The following TENM4 variants were observed in gnomAD, a reference collection of about 807,000 sequenced individuals.
The protein encoded by TENM4 is teneurin transmembrane protein 4.
Under a neutral mutation model 243.3 loss-of-function variants are expected in TENM4, and 82 were observed. The observed-to-expected ratio is 0.34, with a 90% CI of 0.28 to 0.40. The LOEUF (loss-of-function observed/expected upper bound fraction) is 0.40. Ranked by LOEUF, TENM4 falls within the 10% of genes least tolerant of loss-of-function variation. The pLI is 1.00. For synonymous variants in TENM4, 1,412 were observed against 1,456.3 expected, an observed-to-expected ratio of 0.97 and a Z score of 0.69; for missense variants, 3,138 against 3,673.3, an observed-to-expected ratio of 0.85 and a Z score of 3.77.
chr11:79,052,954 T>A (rs1859839870), intron 6 of TENM4, among the ~76,000 whole-genome samples: 1 of 152,344 alleles, frequency 6.6e-6, no homozygotes, highest in East Asian at 1.9e-4. Flanking sequence ...TGGTAACACA[T>A]CACCGTTCTT....
chr11:79,202,540 G>C (rs1260554226), intron 3 of TENM4, among the ~76,000 whole-genome samples: 1 of 152,218 alleles, frequency 6.6e-6, no homozygotes, highest in Non-Finnish European at 1.5e-5. Flanking sequence ...TCTTAACCTG[G>C]AGCCTGCAAA....
chr11:79,288,056 C>A (rs1386550451), intron 2 of TENM4, among the ~76,000 whole-genome samples: 1 of 152,206 alleles, frequency 6.6e-6, no homozygotes, highest in African/African-American at 2.4e-5. Context: ...ACCTCTCTAC[C>A]AAATACCTCT....
At chr11:79,311,419 T>C (rs11826578) in intron 1 of TENM4, among the ~76,000 whole-genome samples, 30,157 of 152,146 alleles carry the variant, frequency 0.2, 3,245 homozygotes, top group East Asian at 0.35. Flanking sequence ...CTCAGAGCCA[T>C]TGGAGGCTAA....
At chr11:79,075,150 G>C (rs909146271) in intron 4 of TENM4, among the ~76,000 whole-genome samples, 1 of 152,212 alleles carries the variant, frequency 6.6e-6, no homozygotes, top group Non-Finnish European at 1.5e-5. Flanking sequence ...GCCAGGCACC[G>C]GTCAAGTGCT....
At chr11:78,851,290 C>T (rs1427112471) in intron 12 of TENM4, among the ~76,000 whole-genome samples, 2 of 152,008 alleles carry the variant, frequency 1.3e-5, no homozygotes, top group African/African-American at 4.8e-5. Flanking sequence ...ACCTATTGGC[C>T]CTAAAATACA....
chr11:79,140,936 G>T (rs1396147909), intron 4 of TENM4, among the ~76,000 whole-genome samples: 1 of 151,968 alleles, frequency 6.6e-6, no homozygotes, highest in Non-Finnish European at 1.5e-5. Context: ...GAGGTAGCTG[G>T]GCCTCTGACT....
At chr11:79,164,982 T>TG (rs1862880897) in intron 3 of TENM4, among the ~76,000 whole-genome samples, 1 of 151,904 alleles carries the variant, frequency 6.6e-6, no homozygotes, top group Non-Finnish European at 1.5e-5. Context: ...TGTGTGTGTG[T>TG]GTGTGTGTGT....
At chr11:79,193,638 A>G (rs905717076) in intron 3 of TENM4, among the ~76,000 whole-genome samples, 1 of 152,182 alleles carries the variant, frequency 6.6e-6, no homozygotes, top group Non-Finnish European at 1.5e-5. Context: ...GTCCATCCAC[A>G]TAGCAGGGTC....
chr11:78,859,446 C>G (rs1473527186), intron 10 of TENM4, among the ~76,000 whole-genome samples: 2 of 152,208 alleles, frequency 1.3e-5, no homozygotes, highest in Non-Finnish European at 2.9e-5. Context: ...TAGATTCAGG[C>G]TTCCCATAGC....
At position 78,862,999 on chromosome 11, in the gene TENM4, T is replaced by C. The variant is rs953420367; in HGVS notation, c.1218A>G (p.Leu406=). The stretch of plus-strand genomic sequence containing the variant: ...CTTTGCCTTTCCTGTCAGGGGTCTC[T>C]AAGCCAGTGCCCCCTGAGGGGTATA... The part of the protein sequence containing the change: ...VSLYPSGGTG[L]ETPDRKGKGT... The change falls in exon 10 of 34, where the codon TTA becomes TTG. Residue 406 remains leucine, a synonymous_variant. Transcript: ENST00000278550. 6.6e-7 allele frequency: 1 copy of C among 1,505,640 alleles called. No individual in the cohort carries two copies. Among genetic ancestry groups the C allele is most frequent in the East Asian group, 2.5e-5 (1 of 39,716 alleles). The allele number at this position is 1,505,640 out of a possible 1,614,324, so 93.3% of individuals were successfully genotyped here. A position where few individuals can be genotyped will look rare whatever the true frequency, so the allele number is the denominator to read the frequency against.
chr11:78,860,601 C>A (rs1858794505), intron 10 of TENM4, among the ~76,000 whole-genome samples: 1 of 152,170 alleles, frequency 6.6e-6, no homozygotes, highest in Admixed American at 6.5e-5. Context: ...GCATTTTTAA[C>A]ATCACAATGA....
Position 78,669,403 on chromosome 11 carries a change from A to G in TENM4, c.6942T>C (p.Tyr2314=), listed in dbSNP as rs369825650. 7 of 1,613,410 alleles carry G rather than the reference A, an allele frequency of 4.3e-6. No individual in the cohort carries two copies. Among genetic ancestry groups the G allele is most frequent in the Non-Finnish European group, 5.9e-6 (7 of 1,179,608 alleles). ...CCTTGGTGGGGTTGGTCAGGTCTGC[A>G]TAGAAGAACTGCAGGTGGTGGCTGT... The part of the protein sequence containing the change: ...SSHSHHLQFF[Y]ADLTNPTKVT... The change falls in exon 32 of 34, where the codon TAT becomes TAC. Residue 2314 remains tyrosine (Y), a synonymous_variant. Coordinates refer to ENST00000278550, the MANE Select transcript of TENM4 (RefSeq NM_001098816.3). This position sits in a 1 kb window ranked among gnomAD's most constrained non-coding sequence, Gnocchi z 6.4.
chr11:78,835,003 C>T (rs151206743), intron 12 of TENM4, among the ~76,000 whole-genome samples: 1 of 152,182 alleles, frequency 6.6e-6, no homozygotes, highest in African/African-American at 2.4e-5. Context: ...CTCTTTTTTT[C>T]AAAAGTCTGC....
intron 4 of TENM4, among the ~76,000 whole-genome samples, chr11:79,081,715 G>T (rs1370130799): frequency 6.6e-6 from 1 of 152,182 alleles, no homozygotes; most frequent in African/African-American, 2.4e-5. Flanking sequence ...ATGTGGGCTC[G>T]GAGTGCTCGT....
At chr11:79,396,470 G>A (rs148521155) in intron 1 of TENM4, among the ~76,000 whole-genome samples, 360 of 152,264 alleles carry the variant, frequency 2.4e-3, no homozygotes, top group African/African-American at 8.1e-3. Flanking sequence ...GAGACAACAG[G>A]ACCATTCTTA....
At chr11:79,057,570 A>G (rs1350710457) in intron 6 of TENM4, among the ~76,000 whole-genome samples, 1 of 152,134 alleles carries the variant, frequency 6.6e-6, no homozygotes, top group Non-Finnish European at 1.5e-5. Flanking sequence ...CATAACAACT[A>G]TTATAGAGAA....
intron 2 of TENM4, among the ~76,000 whole-genome samples, chr11:79,251,359 A>C (rs934936342): frequency 6.6e-6 from 1 of 152,230 alleles, no homozygotes; most frequent in Non-Finnish European, 1.5e-5. Flanking sequence ...GATGTATAAA[A>C]ACTCAAACCT....
chr11:79,013,953 G>A (rs1352142298), intron 6 of TENM4, among the ~76,000 whole-genome samples: 1 of 151,928 alleles, frequency 6.6e-6, no homozygotes. Context: ...TTATATTCCC[G>A]ATTTGCCCCT....
At chr11:78,760,652 T>C (rs1275385660) in intron 18 of TENM4, among the ~76,000 whole-genome samples, 1 of 152,290 alleles carries the variant, frequency 6.6e-6, no homozygotes, top group Non-Finnish European at 1.5e-5. Flanking sequence ...GCCGTTTAAT[T>C]AGTATTTGTG....
Sources: gnomAD v4.1 joint callset for allele counts (sites outside exome capture counted in the v4.1 genomes callset) on GRCh38, gnomAD v4.1.1 for gene constraint, Gnocchi (gnomAD v3.1) non-coding constraint, MANE v1.5 for transcripts, NCBI Gene and HGNC (gene_info 2026-07-23, HGNC 2026-07-21) for gene names.